Variants in PRKAR2B observed in about 807,000 individuals in gnomAD.
PRKAR2B encodes cAMP-dependent protein kinase type II-beta regulatory subunit.
In PRKAR2B, 14 loss-of-function variants were observed where a neutral mutation model predicts 49.9. The ratio of observed to expected loss-of-function variants is 0.28; its 90% CI spans 0.19 to 0.44. The LOEUF (loss-of-function observed/expected upper bound fraction) is 0.44, where lower values mean the gene tolerates loss of function less well. Among genes scored for constraint, PRKAR2B ranks in the 20% least tolerant of loss-of-function variants. The probability of loss-of-function intolerance (pLI) is 1.00; values close to 1 mark genes in which losing one functional copy is unlikely to be tolerated. For synonymous variants in PRKAR2B, 196 were observed against 197.7 expected (o/e 0.99, Z 0.07); for missense variants, 393 against 537.9 (o/e 0.73, Z 2.67).
intron 3 of PRKAR2B, among the ~76,000 whole-genome samples, chr7:107,122,689 C>G (rs929874460): frequency 2.0e-5 from 3 of 151,926 alleles, no homozygotes; most frequent in Admixed American, 6.6e-5. Flanking sequence ...ACAGTATAAA[C>G]AAAAACTTAT....
At chr7:107,084,571 T>C (rs561752053) in intron 2 of PRKAR2B, among the ~76,000 whole-genome samples, 6 of 152,076 alleles carry the variant, frequency 3.9e-5, no homozygotes, top group African/African-American at 1.4e-4. Context: ...AGAAAACCCT[T>C]AATACTGGGA....
At chr7:107,050,043 A>T (rs1488627549) in intron 1 of PRKAR2B, among the ~76,000 whole-genome samples, 1 of 152,178 alleles carries the variant, frequency 6.6e-6, no homozygotes, top group Admixed American at 6.5e-5. Flanking sequence ...TAGTAGGTGG[A>T]TTGCTTTAGG....
intron 2 of PRKAR2B, among the ~76,000 whole-genome samples, chr7:107,114,612 C>G (rs932485245): frequency 6.7e-6 from 1 of 150,026 alleles, no homozygotes; most frequent in African/African-American, 2.4e-5. Flanking sequence ...TTAGGTGATA[C>G]ACCTGCCTTG....
Position 107,056,128 on chromosome 7 carries a change from A to T in PRKAR2B, c.307+10914A>T, listed in dbSNP as rs922525667. ...TTTGTCAAAGATCAGATAGTTGTAG[A>T]TATGCGGCATTGTTTCTGAGGGCTC... is the stretch of plus-strand genomic sequence containing the variant. On this transcript the variant is annotated intron_variant, in intron 1 of 10. Transcript: ENST00000265717. 2.0e-5 allele frequency among the ~76,000 whole-genome samples: 3 copies of T among 152,040 alleles called. No individual in the cohort carries two copies. In the South Asian group the frequency reaches 6.2e-4, roughly 32 times the overall value.
chr7:107,089,486 T>C (rs986316275), intron 2 of PRKAR2B, among the ~76,000 whole-genome samples: 5 of 152,198 alleles, frequency 3.3e-5, no homozygotes, highest in Admixed American at 2.0e-4. Context: ...GCGTTATATA[T>C]AAATGGTCAG....
intron 3 of PRKAR2B, among the ~76,000 whole-genome samples, chr7:107,127,606 T>C (rs191714183): frequency 2.6e-5 from 4 of 152,368 alleles, no homozygotes; most frequent in Middle Eastern, 3.4e-3. Flanking sequence ...GGAACACATA[T>C]TCTCTTGGAG....
intron 8 of PRKAR2B, 135 bp from the exon 9 acceptor site, chr7:107,156,849 T>C (rs1796101627): frequency 1.3e-6 from 1 of 743,094 alleles, no homozygotes; most frequent in African/African-American, 1.8e-5. Flanking sequence ...AGACAGCTTG[T>C]TCCCTTAGGA....
At chr7:107,088,922 A>G (rs1307931017) in intron 2 of PRKAR2B, among the ~76,000 whole-genome samples, 1 of 149,782 alleles carries the variant, frequency 6.7e-6, no homozygotes, top group Non-Finnish European at 1.5e-5. Flanking sequence ...TAATAATCAT[A>G]TTTTGGGAGG....
chr7:107,069,196 A>G (rs1794214833), intron 1 of PRKAR2B, among the ~76,000 whole-genome samples: 1 of 152,168 alleles, frequency 6.6e-6, no homozygotes, highest in African/African-American at 2.4e-5. Context: ...TTGGCCTCCC[A>G]AAGTGTTGGG....
chr7:107,126,199 C>G (rs1385044765), intron 3 of PRKAR2B, among the ~76,000 whole-genome samples: 1 of 147,216 alleles, frequency 6.8e-6, no homozygotes, highest in Admixed American at 6.9e-5. Context: ...CAAGACCATC[C>G]TGGCTAACAT....
intron 2 of PRKAR2B, among the ~76,000 whole-genome samples, chr7:107,114,310 T>G (rs1795227655): frequency 6.7e-6 from 1 of 149,358 alleles, no homozygotes; most frequent in Non-Finnish European, 1.5e-5. Flanking sequence ...GATTAAAGAG[T>G]TTGGCATGTA....
intron 2 of PRKAR2B, among the ~76,000 whole-genome samples, chr7:107,100,046 T>G (rs1452853355): frequency 6.6e-6 from 1 of 152,186 alleles, no homozygotes; most frequent in African/African-American, 2.4e-5. Context: ...ACATGGTTTA[T>G]AAATATTTTA....
intron 1 of PRKAR2B, among the ~76,000 whole-genome samples, chr7:107,062,468 G>A (rs1209586336): frequency 6.6e-6 from 1 of 152,066 alleles, no homozygotes; most frequent in Non-Finnish European, 1.5e-5. Flanking sequence ...AGAACAGTAC[G>A]AATTAATCTT....
chr7:107,098,621 G>T (rs1326646941), intron 2 of PRKAR2B, among the ~76,000 whole-genome samples: 2 of 152,140 alleles, frequency 1.3e-5, no homozygotes, highest in Admixed American at 1.3e-4. Flanking sequence ...TAGCTTTTCT[G>T]CTCTGGTTTC....
At chr7:107,142,906 G>A (rs1409359324) in intron 5 of PRKAR2B, among the ~76,000 whole-genome samples, 3 of 152,092 alleles carry the variant, frequency 2.0e-5, no homozygotes, top group South Asian at 2.1e-4. Context: ...GGGACTACAG[G>A]TACCCGCCAC....
chr7:107,079,144 C>T (rs1378844750), intron 2 of PRKAR2B, among the ~76,000 whole-genome samples: 1 of 152,174 alleles, frequency 6.6e-6, no homozygotes, highest in African/African-American at 2.4e-5. Flanking sequence ...TGCAACCATT[C>T]TTTAATTACA....
intron 4 of PRKAR2B, among the ~76,000 whole-genome samples, chr7:107,137,282 A>G (rs567326426): frequency 6.6e-6 from 1 of 152,152 alleles, no homozygotes; most frequent in Non-Finnish European, 1.5e-5. Context: ...CTTTTCTGTC[A>G]CCTAAACGCC....
rs924967050 is a variant in PRKAR2B at position 107,130,154 on chromosome 7, G to T, written c.480+1859G>T. Among the ~76,000 whole-genome samples, 11 of 152,164 alleles carry T rather than the reference G, an allele frequency of 7.2e-5. No homozygotes were observed. The East Asian group carries it at 1.9e-3, about 27-fold the overall frequency. On this transcript the variant is annotated intron_variant, in intron 4 of 10. Coordinates refer to ENST00000265717, the MANE Select transcript of PRKAR2B (RefSeq NM_002736.3). ...TAATCCTAAATAATAGTTTTGGATAGATTTGTAATAAAATGATGGTGTTTA... is the reference window on the plus strand; with the variant it reads ...TAATCCTAAATAATAGTTTTGGATATATTTGTAATAAAATGATGGTGTTTA...
chr7:107,103,317 G>A (rs1216694831), intron 2 of PRKAR2B, among the ~76,000 whole-genome samples: 1 of 152,166 alleles, frequency 6.6e-6, no homozygotes, highest in Non-Finnish European at 1.5e-5. Context: ...AAGGAATATT[G>A]AGCCAACGTC....
Sources: gnomAD v4.1 joint callset for allele counts (sites outside exome capture counted in the v4.1 genomes callset) on GRCh38, gnomAD v4.1.1 for gene constraint, MANE v1.5 for transcripts, NCBI Gene and HGNC (gene_info 2026-07-23, HGNC 2026-07-21) for gene names.